ULK4: variants seen among roughly 807,000 people sequenced by gnomAD.
ULK4 encodes unc-51 like kinase 4, also known as inactive serine/threonine-protein kinase ULK4.
A neutral mutation model predicts 160.6 loss-of-function variants in ULK4; 133 were observed. The ratio of observed to expected loss-of-function variants is 0.83; its 90% CI spans 0.72 to 0.96. The LOEUF is 0.96. ULK4 is among the 40% of genes least tolerant of loss of function. ULK4 has a pLI of 0.00. For synonymous variants in ULK4, 534 were observed against 539.8 expected, an observed-to-expected ratio of 0.99 and a Z score of 0.15; for missense variants, 1,580 against 1,499.5, an observed-to-expected ratio of 1.05 and a Z score of -0.89.
chr3:41,749,494 A>G (rs1250875973), intron 22 of ULK4, among the ~76,000 whole-genome samples: 3 of 152,190 alleles, frequency 2.0e-5, no homozygotes, highest in Non-Finnish European at 4.4e-5. Context: ...AAAAAATAAA[A>G]AATAGGCTTT....
intron 19 of ULK4, among the ~76,000 whole-genome samples, chr3:41,806,952 A>T (rs1485474147): frequency 1.3e-5 from 2 of 152,050 alleles, no homozygotes; most frequent in Non-Finnish European, 2.9e-5. Flanking sequence ...GTTTGAGACC[A>T]GCCTGGGATA....
At chr3:41,654,673 T>C (rs918995383) in intron 30 of ULK4, among the ~76,000 whole-genome samples, 10 of 152,180 alleles carry the variant, frequency 6.6e-5, no homozygotes, top group African/African-American at 2.2e-4. Context: ...GTTTTAAATA[T>C]TTTATGCTTG....
At chr3:41,892,304 A>T (rs1271717014) in intron 16 of ULK4, among the ~76,000 whole-genome samples, 2 of 152,246 alleles carry the variant, frequency 1.3e-5, no homozygotes, top group East Asian at 3.8e-4. Flanking sequence ...GATGTTCAAC[A>T]TCACTAGTCA....
At chr3:41,940,810 A>T (rs1016493670) in intron 2 of ULK4, among the ~76,000 whole-genome samples, 8 of 152,252 alleles carry the variant, frequency 5.3e-5, no homozygotes, top group Non-Finnish European at 1.2e-4. Flanking sequence ...AAAAATGTAC[A>T]TTTCTGTTAT....
At chr3:41,688,329 G>A (rs1164606261) in intron 27 of ULK4, among the ~76,000 whole-genome samples, 1 of 152,130 alleles carries the variant, frequency 6.6e-6, no homozygotes, top group Non-Finnish European at 1.5e-5. Context: ...CGAGGTGGGA[G>A]AATCGCTTGA....
chr3:41,626,289 TTAA>T (rs1238393329), intron 30 of ULK4, among the ~76,000 whole-genome samples: 2 of 152,214 alleles, frequency 1.3e-5, no homozygotes, highest in Non-Finnish European at 2.9e-5. Flanking sequence ...AATTTATTTA[TTAA>T]TGTTTGATAG....
chr3:41,599,902 T>A (rs939527972), intron 31 of ULK4, among the ~76,000 whole-genome samples: 7 of 152,170 alleles, frequency 4.6e-5, no homozygotes, highest in Admixed American at 2.0e-4. Flanking sequence ...TACTGAATAA[T>A]AGCTTAATAT....
chr3:41,721,356 ATATATATT>A (rs1343366386), intron 22 of ULK4, among the ~76,000 whole-genome samples: 4 of 61,640 alleles, frequency 6.5e-5, no homozygotes, highest in Admixed American at 2.3e-4. Context: ...ATATATATAT[ATATATATT>A]TTTTTTTTTT....
intron 18 of ULK4, among the ~76,000 whole-genome samples, chr3:41,831,917 T>C (rs1164973753): frequency 6.6e-6 from 1 of 152,204 alleles, no homozygotes; most frequent in Non-Finnish European, 1.5e-5. Context: ...CCATGGTGTA[T>C]ATGTGCCACA....
chr3:41,366,190 C>G (rs1424072595), intron 35 of ULK4, among the ~76,000 whole-genome samples: 3 of 152,146 alleles, frequency 2.0e-5, no homozygotes, highest in Non-Finnish European at 4.4e-5. Context: ...AGAAGGAATC[C>G]CAGCCAAAGG....
chr3:41,520,172 C>A (rs140620320), intron 32 of ULK4, among the ~76,000 whole-genome samples: 1,626 of 152,282 alleles, frequency 0.011, 16 homozygotes, highest in Non-Finnish European at 0.016. Flanking sequence ...TTTTCATCAT[C>A]TCACAAAGAA....
At chr3:41,330,048 T>C (rs546306643) in intron 35 of ULK4, among the ~76,000 whole-genome samples, 74 of 152,294 alleles carry the variant, frequency 4.9e-4, no homozygotes, top group African/African-American at 1.8e-3. Context: ...GTTTCTCCCC[T>C]GAAGTAAAGA....
intron 25 of ULK4, among the ~76,000 whole-genome samples, chr3:41,713,379 G>C (rs533028131): frequency 6.6e-6 from 1 of 152,256 alleles, no homozygotes; most frequent in South Asian, 2.1e-4. Context: ...ACTAAATCCA[G>C]GTCCTGAATT....
intron 18 of ULK4, among the ~76,000 whole-genome samples, chr3:41,830,410 C>A (rs1209083227): frequency 6.6e-6 from 1 of 151,638 alleles, no homozygotes; most frequent in African/African-American, 2.4e-5. Flanking sequence ...GAAAACAAGT[C>A]TATATAAAGA....
intron 30 of ULK4, among the ~76,000 whole-genome samples, chr3:41,643,036 T>C (rs2034300851): frequency 6.6e-6 from 1 of 151,880 alleles, no homozygotes; most frequent in Non-Finnish European, 1.5e-5. Context: ...TTTGATGGGG[T>C]TGTTTGTTTT....
intron 34 of ULK4, among the ~76,000 whole-genome samples, chr3:41,454,250 T>C (rs2083488573): frequency 6.8e-6 from 1 of 147,386 alleles, no homozygotes; most frequent in Admixed American, 6.9e-5. Flanking sequence ...AGAAAGATGA[T>C]AAAATTAGGC....
intron 31 of ULK4, among the ~76,000 whole-genome samples, chr3:41,581,259 G>C (rs1051839944): frequency 1.3e-5 from 2 of 152,174 alleles, no homozygotes; most frequent in African/African-American, 2.4e-5. Context: ...GGGTAGGTGG[G>C]TGGGGAGGCA....
chr3:41,956,736 G>A (rs1700498141), intron 1 of ULK4, among the ~76,000 whole-genome samples: 1 of 152,160 alleles, frequency 6.6e-6, no homozygotes, highest in Non-Finnish European at 1.5e-5. Context: ...TGGCTCATAG[G>A]CCAAATTGGG....
intron 35 of ULK4, among the ~76,000 whole-genome samples, chr3:41,279,255 T>TAAAAAAAAAAAAAAAAAAAAAAAAAAA: frequency 2.3e-5 from 1 of 43,070 alleles, no homozygotes; most frequent in Non-Finnish European, 4.3e-5. Context: ...AAAAAAAGAG[T>TAAAAAAAAAAAAAAAAAAAAAAAAAAA]AAAAAAAAAA....
Sources: allele counts gnomAD v4.1 joint callset (sites outside exome capture counted in the v4.1 genomes callset), GRCh38; gene constraint gnomAD v4.1.1; transcripts MANE v1.5; gene names NCBI Gene and HGNC (gene_info 2026-07-23, HGNC 2026-07-21).